Variants in CERS4 observed in about 807,000 individuals in gnomAD.
CERS4 encodes ceramide synthase 4.
CERS4 carries 65 observed loss-of-function variants against 51.8 expected under a neutral mutation model. The observed-to-expected ratio is 1.26, with a 90% CI of 1.03 to 1.54. The LOEUF is 1.54. Ranked by LOEUF, CERS4 falls within the 40% of genes most tolerant of loss-of-function variation. The probability of loss-of-function intolerance (pLI) is 0.00; values close to 1 mark genes in which losing one functional copy is unlikely to be tolerated. For synonymous variants in CERS4, 228 were observed against 208.4 expected, an observed-to-expected ratio of 1.09 and a Z score of -0.81; for missense variants, 563 against 500.4, an observed-to-expected ratio of 1.13 and a Z score of -1.19.
chr19:8,249,030 T>A (rs531812582), intron 2 of CERS4, among the ~76,000 whole-genome samples: 18 of 138,996 alleles, frequency 1.3e-4, no homozygotes, highest in South Asian at 9.3e-4. Context: ...GGTGGATGGA[T>A]GGATGATGGG....
chr19:8,245,111 C>CAA (rs74179480), intron 2 of CERS4, among the ~76,000 whole-genome samples: 19 of 21,650 alleles, frequency 8.8e-4, no homozygotes, highest in East Asian at 3.9e-3. Context: ...GACTCCATCT[C>CAA]AAAAAAAAAA....
chr19:8,224,574 T>C (rs536965544), intron 2 of CERS4, among the ~76,000 whole-genome samples: 34 of 152,206 alleles, frequency 2.2e-4, no homozygotes, highest in South Asian at 1.2e-3. Context: ...TTTGGCAGGC[T>C]GAAGGGAGGG....
At chr19:8,239,124 A>C (rs1028675904) in intron 2 of CERS4, among the ~76,000 whole-genome samples, 1 of 151,658 alleles carries the variant, frequency 6.6e-6, no homozygotes. Context: ...AATTGTGGCC[A>C]GGTGTGGTGG....
chr19:8,221,434 G>T (rs866101321), intron 2 of CERS4, among the ~76,000 whole-genome samples: 2 of 152,156 alleles, frequency 1.3e-5, no homozygotes, highest in African/African-American at 2.4e-5. Context: ...GCCTCTGCAC[G>T]TGATGCCAAT....
chr19:8,239,109 AG>A (rs1458895226), intron 2 of CERS4, among the ~76,000 whole-genome samples: 1 of 151,856 alleles, frequency 6.6e-6, no homozygotes. Context: ...TCTTTAAGAA[AG>A]AAAAATTGTG....
intron 2 of CERS4, among the ~76,000 whole-genome samples, chr19:8,235,243 G>A (rs1968196786): frequency 6.6e-6 from 1 of 151,238 alleles, no homozygotes; most frequent in Admixed American, 6.6e-5. Flanking sequence ...TCCTGACCTC[G>A]TGATCTGCCC....
At chr19:8,240,586 G>GTGTC (rs1555776368) in intron 2 of CERS4, 1 of 7,374 alleles carries the variant, frequency 1.4e-4, no homozygotes, top group Non-Finnish European at 5.1e-4. Flanking sequence ...ATGTATGCAA[G>GTGTC]TGTGTGTGTG....
rs145022401 is a variant in CERS4, at chr19:8,257,908, T to C, written c.771T>C (p.Tyr257=). 115 of 1,614,042 alleles carry C rather than the reference T, an allele frequency of 7.1e-5. No homozygotes were observed. The African/African-American group carries it at 1.4e-3, about 19-fold the overall frequency. ...EACKMVNYMQ[Y]QQVCDALFLI... The stretch of plus-strand genomic sequence containing the variant: ...GTAAGATGGTCAACTACATGCAGTA[T>C]CAGCAAGTGTGCGACGCTCTCTTCC... Residue 257 remains tyrosine (Y), a synonymous_variant, in exon 10 of 12, where the codon TAT becomes TAC. Coordinates refer to ENST00000251363, the MANE Select transcript of CERS4 (RefSeq NM_024552.3).
At chr19:8,259,074 C>T (rs1184288412) in intron 10 of CERS4, among the ~76,000 whole-genome samples, 1 of 152,086 alleles carries the variant, frequency 6.6e-6, no homozygotes, top group East Asian at 1.9e-4. Flanking sequence ...GCAGAGGTTG[C>T]AGTGAGCTGA....
chr19:8,216,704 G>A (rs1018636761), intron 2 of CERS4, among the ~76,000 whole-genome samples: 4 of 152,096 alleles, frequency 2.6e-5, no homozygotes, highest in Non-Finnish European at 5.9e-5. Context: ...TGTCTACTCT[G>A]TTCTCTGCTG....
At chr19:8,260,725 A>G (rs951568546) in intron 10 of CERS4, among the ~76,000 whole-genome samples, 1 of 151,522 alleles carries the variant, frequency 6.6e-6, no homozygotes, top group African/African-American at 2.4e-5. Context: ...TGAGGTGAAC[A>G]GATCACTTGA....
intron 7 of CERS4, among the ~76,000 whole-genome samples, 154 bp downstream of exon 7, chr19:8,256,440 G>C (rs1969386291): frequency 2.6e-5 from 1 of 38,216 alleles, no homozygotes; most frequent in African/African-American, 4.9e-5. Context: ...AGAGGGGCCA[G>C]AAAACCAAGC....
chr19:8,221,872 G>GTTTTTTTTTTTTTTTTTT lies in CERS4; in HGVS notation c.-2+11020_-2+11037dup, dbSNP rs71165297. On this transcript the variant is annotated intron_variant, in intron 2 of 11. Coordinates refer to ENST00000251363, the MANE Select transcript of CERS4 (RefSeq NM_024552.3). ...CTTACTGACTTATTTATTTTTTTATGTTTTTTTTTTTTTTTTTTTTTTTTT... is the reference window on the plus strand; with the variant it reads ...CTTACTGACTTATTTATTTTTTTATGTTTTTTTTTTTTTTTTTTTTTTTTTTTTTTTTTTTTTTTTTTT... Among the ~76,000 whole-genome samples the GTTTTTTTTTTTTTTTTTT allele has an allele frequency of 2.3e-4, 9 of 39,488 alleles. 2 individuals carry two copies. Among genetic ancestry groups the GTTTTTTTTTTTTTTTTTT allele is most frequent in the East Asian group, 1.5e-3 (2 of 1,348 alleles). 25.9% of individuals were successfully genotyped at this position (39,488 alleles called of 152,430 possible).
intron 2 of CERS4, among the ~76,000 whole-genome samples, chr19:8,217,644 C>T (rs1293820439): frequency 2.6e-5 from 4 of 151,354 alleles, no homozygotes; most frequent in Non-Finnish European, 5.9e-5. Flanking sequence ...TCATGTCATT[C>T]TCCTGCCTCA....
Position 8,235,394 on chromosome 19 carries a change from C to G in CERS4, c.-1-15682C>G, listed in dbSNP as rs527734348. On this transcript the variant is annotated intron_variant, in intron 2 of 11. Transcript: ENST00000251363. ...CCACCTGCCTCGGCCTTCCAATGTG[C>G]TGGGATTACAGGGCCATCTTTTTGC... is the stretch of plus-strand genomic sequence containing the variant. 1.0e-3 allele frequency among the ~76,000 whole-genome samples: 159 copies of G among 151,514 alleles called. 1 individual carries two copies. The highest frequency in any genetic ancestry group is 1.8e-3 in the Non-Finnish European group (123 of 67,842).
chr19:8,251,903 G>A (rs978663541), intron 3 of CERS4, among the ~76,000 whole-genome samples: 2 of 151,864 alleles, frequency 1.3e-5, no homozygotes, highest in Non-Finnish European at 2.9e-5. Context: ...AGTTTCAAAC[G>A]CAGGGGTTTT....
intron 10 of CERS4, among the ~76,000 whole-genome samples, chr19:8,259,510 G>GAAC (rs1178842806): frequency 3.9e-5 from 6 of 152,234 alleles, no homozygotes; most frequent in Non-Finnish European, 7.4e-5. Context: ...GATTCAATCT[G>GAAC]ACCTAGGTGT....
chr19:8,253,423 C>T (rs1014722005), intron 3 of CERS4, among the ~76,000 whole-genome samples: 1 of 151,024 alleles, frequency 6.6e-6, no homozygotes, highest in African/African-American at 2.4e-5. Context: ...TGCACACCCT[C>T]ACCCTACAGA....
At chr19:8,231,698 G>A (rs1158505349) in intron 2 of CERS4, among the ~76,000 whole-genome samples, 5 of 151,370 alleles carry the variant, frequency 3.3e-5, no homozygotes, top group Non-Finnish European at 7.4e-5. Context: ...ACAGATGCCC[G>A]CCACCATGCC....
Sources: gnomAD v4.1 joint callset for allele counts (sites outside exome capture counted in the v4.1 genomes callset) on GRCh38, gnomAD v4.1.1 for gene constraint, MANE v1.5 for transcripts, NCBI Gene and HGNC (gene_info 2026-07-23, HGNC 2026-07-21) for gene names.